ZFAND3: variants seen among roughly 807,000 people sequenced by gnomAD.
ZFAND3 encodes zinc finger AN1-type containing 3.
A neutral mutation model predicts 29.6 loss-of-function variants in ZFAND3; 10 were observed. The ratio of observed to expected loss-of-function variants is 0.34; its 90% CI spans 0.21 to 0.57. The LOEUF (loss-of-function observed/expected upper bound fraction) is 0.57. Ranked by LOEUF, ZFAND3 falls within the 20% of genes least tolerant of loss-of-function variation. The probability of loss-of-function intolerance (pLI) is 0.86; values close to 1 mark genes in which losing one functional copy is unlikely to be tolerated. For missense variants in ZFAND3, 230 were observed against 304.5 expected (o/e 0.76, Z 1.82); for synonymous variants, 128 against 112.6 (o/e 1.14, Z -0.87).
rs1766044177 is a variant in ZFAND3 at position 38,144,210 on chromosome 6, TAATATATAATATA to T, written c.530-8024_530-8012del. ...ATATATATATATATATATATATATA[TAATATATAATATA>T]TATATATATTTTTTTTTTAATAAGG... On this transcript the variant is annotated intron_variant, in intron 5 of 5. Transcript: ENST00000287218. Among the ~76,000 whole-genome samples the T allele has an allele frequency of 4.9e-4, 18 of 37,062 alleles. No individual in the cohort carries two copies. The South Asian group carries it at 6.7e-3, about 14-fold the overall frequency. 24.3% of individuals were successfully genotyped at this position (37,062 alleles called of 152,430 possible). A position where few individuals can be genotyped will look rare whatever the true frequency, so the allele number is the denominator to read the frequency against.
At chr6:38,146,505 C>A (rs903400901) in intron 5 of ZFAND3, among the ~76,000 whole-genome samples, 1 of 152,330 alleles carries the variant, frequency 6.6e-6, no homozygotes, top group Non-Finnish European at 1.5e-5. Context: ...GGGACGCCCA[C>A]ACAAGTTCTT....
intron 2 of ZFAND3, among the ~76,000 whole-genome samples, chr6:38,004,534 T>TAC (rs56068930): frequency 0.017 from 2,536 of 147,416 alleles, 28 homozygotes; most frequent in African/African-American, 0.033. Context: ...TAAAGCTGTC[T>TAC]ACACACACAC....
intron 4 of ZFAND3, among the ~76,000 whole-genome samples, chr6:38,083,780 C>G (rs1055345561): frequency 6.6e-6 from 1 of 152,080 alleles, no homozygotes; most frequent in Non-Finnish European, 1.5e-5. Context: ...TACTCAGATG[C>G]TGAAACAAGC....
At chr6:38,065,854 T>G (rs1764336108) in intron 3 of ZFAND3, among the ~76,000 whole-genome samples, 1 of 152,236 alleles carries the variant, frequency 6.6e-6, no homozygotes, top group African/African-American at 2.4e-5. Context: ...ATAAACTGTT[T>G]CAGTGGTTTG....
At chr6:38,112,851 T>C (rs1765346512) in intron 4 of ZFAND3, among the ~76,000 whole-genome samples, 3 of 152,218 alleles carry the variant, frequency 2.0e-5, no homozygotes, top group Admixed American at 1.3e-4. Context: ...AAATTTCTTA[T>C]GCAAGTGAGG....
At chr6:37,878,778 A>G (rs1764839259) in intron 1 of ZFAND3, among the ~76,000 whole-genome samples, 1 of 152,206 alleles carries the variant, frequency 6.6e-6, no homozygotes, top group South Asian at 2.1e-4. Context: ...TTTTAGTGGC[A>G]AGGAAGAGAC....
At chr6:37,955,364 A>G (rs1267076333) in intron 2 of ZFAND3, among the ~76,000 whole-genome samples, 1 of 152,208 alleles carries the variant, frequency 6.6e-6, no homozygotes, top group Non-Finnish European at 1.5e-5. Context: ...TCTGAAAAAT[A>G]GAAAATCTCA....
At chr6:37,852,501 C>CA (rs35685493) in intron 1 of ZFAND3, among the ~76,000 whole-genome samples, 33,144 of 152,022 alleles carry the variant, frequency 0.22, 4,502 homozygotes, top group African/African-American at 0.38. Context: ...CCTACTTTAT[C>CA]CATTGTGGTG....
intron 2 of ZFAND3, among the ~76,000 whole-genome samples, chr6:38,044,068 T>C (rs1336139756): frequency 1.3e-5 from 2 of 152,204 alleles, no homozygotes; most frequent in African/African-American, 2.4e-5. Flanking sequence ...CAGTCAAAAA[T>C]AACAGCTTCT....
At chr6:37,879,968 A>G (rs1052074612) in intron 1 of ZFAND3, among the ~76,000 whole-genome samples, 1 of 152,192 alleles carries the variant, frequency 6.6e-6, no homozygotes. Flanking sequence ...TTTATGTGTG[A>G]TGTTTTGTAT....
chr6:38,005,872 T>C (rs1763039693), intron 2 of ZFAND3, among the ~76,000 whole-genome samples: 1 of 152,222 alleles, frequency 6.6e-6, no homozygotes, highest in Admixed American at 6.5e-5. Context: ...TCAGGGGACA[T>C]CAGCACATAT....
intron 2 of ZFAND3, among the ~76,000 whole-genome samples, chr6:38,012,172 G>T (rs1361279447): frequency 6.6e-6 from 1 of 152,098 alleles, no homozygotes; most frequent in Middle Eastern, 3.2e-3. Context: ...TCCTAGTGGA[G>T]AAGTTGCGTC....
intron 2 of ZFAND3, among the ~76,000 whole-genome samples, chr6:37,964,298 C>T (rs1762253818): frequency 6.6e-6 from 1 of 152,162 alleles, no homozygotes; most frequent in Admixed American, 6.5e-5. Flanking sequence ...GCTACAGGAC[C>T]AGAAGGGATG....
chr6:38,084,375 G>A (rs1004365605), intron 4 of ZFAND3, among the ~76,000 whole-genome samples: 2 of 152,072 alleles, frequency 1.3e-5, no homozygotes, highest in Admixed American at 1.3e-4. Context: ...TTCTTCATCT[G>A]TAAAATGGGA....
chr6:38,036,840 C>T (rs1763667694), intron 2 of ZFAND3, among the ~76,000 whole-genome samples: 1 of 152,044 alleles, frequency 6.6e-6, no homozygotes, highest in Non-Finnish European at 1.5e-5. Flanking sequence ...TCTCAAACCC[C>T]TGGTCTGAAG....
chr6:38,115,574 G>T (rs1765399604), intron 4 of ZFAND3, among the ~76,000 whole-genome samples: 1 of 152,268 alleles, frequency 6.6e-6, no homozygotes, highest in South Asian at 2.1e-4. Flanking sequence ...AGACCAAGGT[G>T]GGGGTGACAG....
At position 38,103,441 on chromosome 6, in the gene ZFAND3, GTA is replaced by G. The variant is rs1334966207; in HGVS notation, c.362-13122_362-13121del. On this transcript the variant is annotated intron_variant, in intron 4 of 5. Coordinates refer to ENST00000287218, the MANE Select transcript of ZFAND3 (RefSeq NM_021943.3). ...TATACACACACATATATATACACGT[GTA>G]TATATATACACACATATATACACGT... Among the ~76,000 whole-genome samples the G allele has an allele frequency of 2.0e-4, 13 of 64,744 alleles. 1 individual carries two copies. Among genetic ancestry groups the G allele is most frequent in the Admixed American group, 7.5e-4 (5 of 6,646 alleles). The allele number at this position is 64,744 out of a possible 152,430, so 42.5% of individuals were successfully genotyped here.
chr6:38,013,171 T>G (rs1384772846), intron 2 of ZFAND3, among the ~76,000 whole-genome samples: 2 of 152,214 alleles, frequency 1.3e-5, no homozygotes, highest in Non-Finnish European at 2.9e-5. Flanking sequence ...GTTACATTGA[T>G]TAGTATATAC....
intron 2 of ZFAND3, among the ~76,000 whole-genome samples, chr6:38,034,599 C>A (rs376143538): frequency 1.3e-5 from 2 of 152,074 alleles, no homozygotes; most frequent in Admixed American, 6.6e-5. Flanking sequence ...TAAACAAGAT[C>A]ATTTTTTCCA....
Sources: allele counts gnomAD v4.1 joint callset (sites outside exome capture counted in the v4.1 genomes callset), GRCh38; gene constraint gnomAD v4.1.1; transcripts MANE v1.5; gene names NCBI Gene and HGNC (gene_info 2026-07-23, HGNC 2026-07-21).